Variants in SLC6A5 observed in about 807,000 individuals in gnomAD.
SLC6A5 encodes the protein sodium- and chloride-dependent glycine transporter 2.
A neutral mutation model predicts 90.5 loss-of-function variants in SLC6A5; 58 were observed. That is an observed-to-expected ratio of 0.64 (90% CI 0.52 to 0.80). The LOEUF (loss-of-function observed/expected upper bound fraction) is 0.80, where lower values mean the gene tolerates loss of function less well. Among genes scored for constraint, SLC6A5 ranks in the 30% least tolerant of loss-of-function variants. The pLI is 0.00. For missense variants in SLC6A5, 1,015 were observed against 1,017.6 expected, an observed-to-expected ratio of 1.00 and a Z score of 0.03; for synonymous variants, 427 against 401.4, an observed-to-expected ratio of 1.06 and a Z score of -0.76.
rs756304752 is a variant in SLC6A5, at chr11:20,636,346, C to T, written c.1664C>T (p.Thr555Ile). ...TTTGTGGTTTACCCGGAAGCCTTAA[C>T]CAGGCTGCCTCTCTCTCCGTTCTGG... is the stretch of plus-strand genomic sequence containing the variant. ...IAFVVYPEAL[T>I]RLPLSPFWAI... The change falls in exon 11 of 16, where the codon ACC becomes ATC. Residue 555 changes from threonine to isoleucine, a missense_variant. By Grantham distance (89) the Thr-to-Ile change is moderately conservative. Around this residue, in one of 3 missense-constraint regions of SLC6A5, gnomAD observed 442 missense variants for 494.3 expected, o/e 0.89. Transcript: ENST00000525748. 3 of 1,613,880 alleles carry T rather than the reference C, an allele frequency of 1.9e-6. No individual in the cohort carries two copies. Among genetic ancestry groups the T allele is most frequent in the Non-Finnish European group, 2.5e-6 (3 of 1,179,746 alleles).
In SLC6A5 at chr11:20,604,296, A is replaced by T; in HGVS notation, c.551A>T (p.Gln184Leu). The T allele has an allele frequency of 6.2e-7, 1 of 1,611,862 alleles. No homozygotes were observed. The highest frequency in any genetic ancestry group is 1.7e-5 in the Admixed American group (1 of 59,910). Reference sequence around the variant, plus strand: ...CTTTTCCGCCCCCAGGAGGACGAGCAAGGGGATGAGAATAAGGCCCGAGGG... The same window carrying T: ...CTTTTCCGCCCCCAGGAGGACGAGCTAGGGGATGAGAATAAGGCCCGAGGG... ...VATVATQEDEQGDENKARGNW... is the reference protein window; with the variant it reads ...VATVATQEDELGDENKARGNW... The change falls in exon 3 of 16, where the codon CAA becomes CTA. Residue 184 changes from glutamine (Q) to leucine (L), a missense_variant. Transcript: ENST00000525748.
At chr11:20,645,081 G>A (rs1853385814) in intron 13 of SLC6A5, among the ~76,000 whole-genome samples, 1 of 152,088 alleles carries the variant, frequency 6.6e-6, no homozygotes, top group Non-Finnish European at 1.5e-5. Context: ...CCAAAATGCT[G>A]GGATTACAGG....
In SLC6A5 at chr11:20,657,169, C is replaced by T. The variant is rs770081451; in HGVS notation, c.*2301C>T. 1 of 151,808 alleles carries T rather than the reference C, an allele frequency of 6.6e-6. No individual in the cohort carries two copies. The highest frequency in any genetic ancestry group is 1.5e-5 in the Non-Finnish European group (1 of 67,990). The allele number at this position is 151,808 out of a possible 1,614,324, so 9.4% of individuals were successfully genotyped here. A position where few individuals can be genotyped will look rare whatever the true frequency, so the allele number is the denominator to read the frequency against. On this transcript the variant is annotated 3_prime_UTR_variant, in exon 16 of 16. Transcript: ENST00000525748. ...AATGGTTGCAGTCTGATGCTGGACGCCAACCCAATTTCTGCTAATTATTGC... is the reference window on the plus strand; with the variant it reads ...AATGGTTGCAGTCTGATGCTGGACGTCAACCCAATTTCTGCTAATTATTGC...
chr11:20,644,028 G>T (rs1405857523), intron 13 of SLC6A5, among the ~76,000 whole-genome samples: 1 of 152,146 alleles, frequency 6.6e-6, no homozygotes, highest in East Asian at 1.9e-4. Context: ...GTACATACAT[G>T]ATATATTTTT....
In SLC6A5 at chr11:20,601,525, G is replaced by A. The variant is rs561866100; in HGVS notation, c.400G>A (p.Val134Met). 3.1e-6 allele frequency: 5 copies of A among 1,614,052 alleles called. No homozygotes were observed. Among genetic ancestry groups the A allele is most frequent in the East Asian group, 2.2e-5 (1 of 44,890 alleles). ...GCGAGGCCCGGAGGGGGATGCGAAC[G>A]TGAGTGTGGGCAAGGGCACCCTGGA... is the stretch of plus-strand genomic sequence containing the variant. ...FLRGPEGDAN[V>M]SVGKGTLERN... is the part of the protein sequence containing the mutation. The change falls in exon 2 of 16, where the codon GTG (valine) becomes ATG (methionine). Residue 134 changes from valine to methionine, a missense_variant. Transcript: ENST00000525748.
At chr11:20,610,253 C>G (rs1421522100) in intron 5 of SLC6A5, among the ~76,000 whole-genome samples, 1 of 152,192 alleles carries the variant, frequency 6.6e-6, no homozygotes, top group Non-Finnish European at 1.5e-5. Context: ...CATTCCCTCG[C>G]GGGTGGACCC....
chr11:20,644,347 T>C (rs1853369493), intron 13 of SLC6A5, among the ~76,000 whole-genome samples: 1 of 152,250 alleles, frequency 6.6e-6, no homozygotes, highest in Non-Finnish European at 1.5e-5. Context: ...TTTGTCTTTC[T>C]GTGCCTGGCT....
chr11:20,649,497 G>A (rs1159609597), intron 14 of SLC6A5, among the ~76,000 whole-genome samples: 1 of 152,182 alleles, frequency 6.6e-6, no homozygotes, highest in Admixed American at 6.5e-5. Flanking sequence ...ATTTGCCCGG[G>A]TAAGTTTGAT....
Position 20,604,438 on chromosome 11 carries a change from G to C in SLC6A5, c.679+14G>C. 1 of 1,612,450 alleles carries C rather than the reference G, an allele frequency of 6.2e-7. No individual in the cohort carries two copies. Among genetic ancestry groups the C allele is most frequent in the Non-Finnish European group, 8.5e-7 (1 of 1,179,430 alleles). ...AGAACGGGGGAGGTATGGCTTTTCC[G>C]CTCTTTCCGCCTGCGGCGGGGCGGG... On this transcript the variant is annotated intron_variant, in intron 3 of 15. Coordinates refer to ENST00000525748, the MANE Select transcript of SLC6A5 (RefSeq NM_004211.5).
At position 20,657,468 on chromosome 11, in the gene SLC6A5, G is replaced by C. The variant is rs1329719763; in HGVS notation, c.*2600G>C. ...TTAAAGGGACACGCTTAGGTGAAAGGTTCCAAATTTACCTGGAAATGGTTA... is the reference window on the plus strand; with the variant it reads ...TTAAAGGGACACGCTTAGGTGAAAGCTTCCAAATTTACCTGGAAATGGTTA... On this transcript the variant is annotated 3_prime_UTR_variant, in exon 16 of 16. Transcript: ENST00000525748. 1 of 151,996 alleles carries C rather than the reference G, an allele frequency of 6.6e-6. No homozygotes were observed. The highest frequency in any genetic ancestry group is 1.5e-5 in the Non-Finnish European group (1 of 67,998). The allele number at this position is 151,996 out of a possible 1,614,324, so 9.4% of individuals were successfully genotyped here.
In SLC6A5 at chr11:20,612,152, C is replaced by T. The variant is rs562168593; in HGVS notation, c.986-2527C>T. ...TTACCCAACATTCTAAGAAACTCTG[C>T]GGTGTGTATGGGAAGTGGTAGGCAA... On this transcript the variant is annotated intron_variant, in intron 5 of 15. Coordinates refer to ENST00000525748, the MANE Select transcript of SLC6A5 (RefSeq NM_004211.5). Among the ~76,000 whole-genome samples the T allele has an allele frequency of 1.9e-4, 29 of 152,186 alleles. No individual in the cohort carries two copies. The South Asian group carries it at 2.7e-3, about 14-fold the overall frequency.
chr11:20,616,388 G>A (rs911303869), intron 6 of SLC6A5, among the ~76,000 whole-genome samples: 1 of 152,180 alleles, frequency 6.6e-6, no homozygotes, highest in African/African-American at 2.4e-5. Flanking sequence ...CTTAATCCAT[G>A]CAGTCAGGTG....
chr11:20,638,416 C>T lies in SLC6A5; in HGVS notation c.1870-43C>T, dbSNP rs760678939. The T allele has an allele frequency of 9.8e-6, 12 of 1,230,218 alleles. No individual in the cohort carries two copies. The Admixed American group carries it at 1.5e-4, about 16-fold the overall frequency. The allele number at this position is 1,230,218 out of a possible 1,614,324, so 76.2% of individuals were successfully genotyped here. ...TTAAACGTGGGAAGAGACAGCCTGG[C>T]TTCAGGACGCATTTGATATTGGTTG... is the stretch of plus-strand genomic sequence containing the variant. On this transcript the variant is annotated intron_variant, in intron 12 of 15. Transcript: ENST00000525748.
At chr11:20,619,682 C>T (rs762816259) in intron 7 of SLC6A5, among the ~76,000 whole-genome samples, 2 of 151,764 alleles carry the variant, frequency 1.3e-5, no homozygotes, top group Non-Finnish European at 2.9e-5. Flanking sequence ...TTTTAGAAGT[C>T]CTCAGTTTCC....
intron 8 of SLC6A5, among the ~76,000 whole-genome samples, chr11:20,627,541 T>G (rs1040877407): frequency 6.6e-6 from 1 of 152,238 alleles, no homozygotes; most frequent in African/African-American, 2.4e-5. Flanking sequence ...GAGGTTGCTT[T>G]ACTGAGATTG....
intron 5 of SLC6A5, among the ~76,000 whole-genome samples, chr11:20,608,807 T>C (rs1852631232): frequency 6.6e-6 from 1 of 152,180 alleles, no homozygotes; most frequent in South Asian, 2.1e-4. Context: ...CCTTCAAGTA[T>C]ATTAAGGGCA....
At chr11:20,605,044 A>T (rs1279031035) in intron 3 of SLC6A5, among the ~76,000 whole-genome samples, 1 of 152,152 alleles carries the variant, frequency 6.6e-6, no homozygotes, top group Admixed American at 6.5e-5. Flanking sequence ...GCCGTTTCAG[A>T]GGTGGGGAGG....
chr11:20,602,713 A>T (rs1332512433), intron 2 of SLC6A5, among the ~76,000 whole-genome samples: 1 of 151,658 alleles, frequency 6.6e-6, no homozygotes, highest in Non-Finnish European at 1.5e-5. Context: ...ACACACATAC[A>T]CATTCACACT....
intron 14 of SLC6A5, among the ~76,000 whole-genome samples, 198 bp from the exon 15 acceptor site, chr11:20,652,091 A>G (rs1490602452): frequency 6.6e-6 from 1 of 152,336 alleles, no homozygotes. Flanking sequence ...ATGCAGAGTC[A>G]GCAGCTCAGA....
Sources: gnomAD v4.1 joint callset for allele counts (sites outside exome capture counted in the v4.1 genomes callset) on GRCh38, gnomAD v4.1.1 for gene constraint, gnomAD v4.1.1 regional missense constraint, MANE v1.5 for transcripts, NCBI Gene and HGNC (gene_info 2026-07-23, HGNC 2026-07-21) for gene names.